The following PSPC1 variants were observed in gnomAD, a reference collection of about 807,000 sequenced individuals.
PSPC1 encodes paraspeckle component 1.
Under a neutral mutation model 51.6 loss-of-function variants are expected in PSPC1, and 14 were observed. The observed-to-expected ratio is 0.27, with a 90% CI of 0.18 to 0.42. The LOEUF is 0.42. PSPC1 is among the 10% of genes least tolerant of loss of function. The pLI, the probability that PSPC1 is intolerant of heterozygous loss-of-function variation, is 1.00. For missense variants in PSPC1, 406 were observed against 701.1 expected, an observed-to-expected ratio of 0.58 and a Z score of 4.75; for synonymous variants, 193 against 231.9, an observed-to-expected ratio of 0.83 and a Z score of 1.53.
intron 2 of PSPC1, among the ~76,000 whole-genome samples, chr13:19,769,113 T>C (rs1488978993): frequency 6.6e-6 from 1 of 150,858 alleles, no homozygotes; most frequent in Non-Finnish European, 1.5e-5. Context: ...CACTCCAGCC[T>C]GGGTGACACA....
Position 19,782,751 on chromosome 13 carries a change from ACAT to A in PSPC1, c.4_6del (p.Met2del). 6.4e-7 allele frequency: 1 copy of A among 1,555,714 alleles called. No individual in the cohort carries two copies. The highest frequency in any genetic ancestry group is 2.0e-5 in the Admixed American group (1 of 49,780). Reference sequence around the variant, plus strand: ...CGCACTTGCTTCAGGTTTCCTCTTAACATCATCTTACTGAGTTCGCCTCGGACA... The same window carrying A: ...CGCACTTGCTTCAGGTTTCCTCTTAACATCTTACTGAGTTCGCCTCGGACA... On this transcript the variant is annotated inframe_deletion, in exon 1 of 9. Transcript: ENST00000338910. This position sits in a 1 kb window ranked among gnomAD's most constrained non-coding sequence, Gnocchi z 4.5.
downstream of PSPC1, among the ~76,000 whole-genome samples, chr13:19,700,381 A>G (rs1209015760): frequency 6.6e-6 from 1 of 152,096 alleles, no homozygotes; most frequent in Non-Finnish European, 1.5e-5. Flanking sequence ...TTGTTCCCCT[A>G]ATATTATTGA....
chr13:19,731,834 T>G (rs1461342528), intron 5 of PSPC1, among the ~76,000 whole-genome samples: 1 of 152,190 alleles, frequency 6.6e-6, no homozygotes, highest in Non-Finnish European at 1.5e-5. Context: ...TCCAAAATAC[T>G]TATTCTGGTG....
In PSPC1 at chr13:19,772,393, C is replaced by T; in HGVS notation, c.523G>A (p.Ala175Thr). The change falls in exon 2 of 9, where the codon GCA (alanine) becomes ACA (threonine). Residue 175 changes from alanine to threonine, a missense_variant. Coordinates refer to ENST00000338910, the MANE Select transcript of PSPC1 (RefSeq NM_001354909.2). ...PVVSNELLEQ[A>T]FSQFGPVEKA... ...TCTACTGGACCAAACTGAGAAAATG[C>T]TTGCTCTAGCAGCTCATTGGAAACA... is the stretch of plus-strand genomic sequence containing the variant. 1.9e-6 allele frequency: 3 copies of T among 1,614,212 alleles called. No individual in the cohort carries two copies. Among genetic ancestry groups the T allele is most frequent in the Non-Finnish European group, 2.5e-6 (3 of 1,180,052 alleles).
intron 3 of PSPC1, among the ~76,000 whole-genome samples, chr13:19,756,064 C>T (rs1406615205): frequency 1.3e-5 from 2 of 151,984 alleles, no homozygotes; most frequent in African/African-American, 4.8e-5. Context: ...TGGTAAAACC[C>T]CGTCTCTACT....
At chr13:19,761,387 A>C (rs1566039761) in intron 2 of PSPC1, among the ~76,000 whole-genome samples, 1 of 152,128 alleles carries the variant, frequency 6.6e-6, no homozygotes, top group Non-Finnish European at 1.5e-5. Flanking sequence ...ATTTCCTTTG[A>C]GATCGGCTCT....
chr13:19,776,648 C>T (rs1359281127), intron 1 of PSPC1, among the ~76,000 whole-genome samples: 8 of 151,944 alleles, frequency 5.3e-5, no homozygotes, highest in Non-Finnish European at 1.0e-4. Context: ...GCTGGGACTA[C>T]AGGTGCCTGC....
downstream of PSPC1, among the ~76,000 whole-genome samples, chr13:19,699,801 G>A (rs549772064): frequency 1.3e-5 from 2 of 152,046 alleles, no homozygotes; most frequent in South Asian, 4.1e-4. Context: ...TATGTATATG[G>A]ATATTTACTG....
chr13:19,693,474 A>G (rs1417802942), intron 6 of PSPC1, among the ~76,000 whole-genome samples: 1 of 152,258 alleles, frequency 6.6e-6, no homozygotes, highest in Non-Finnish European at 1.5e-5. Context: ...CCAAGCAAAT[A>G]TCTAACAAGG....
At position 19,741,591 on chromosome 13, in the gene PSPC1, C is replaced by T; in HGVS notation, c.1026G>A (p.Leu342=). The T allele has an allele frequency of 5.6e-6, 9 of 1,602,844 alleles. No individual in the cohort carries two copies. Among genetic ancestry groups the T allele is most frequent in the Non-Finnish European group, 7.7e-6 (9 of 1,172,638 alleles). The change falls in exon 5 of 9, where the codon TTG becomes TTA. Residue 342 remains leucine (L), a synonymous_variant. Coordinates refer to ENST00000338910, the MANE Select transcript of PSPC1 (RefSeq NM_001354909.2). ...RRLEELRNQE[L]QKRKQIQLRH... The stretch of plus-strand genomic sequence containing the variant: ...TTAGTTGTATTTGCTTCCGTTTTTG[C>T]AACTCTTGGTTTCTGAGTTCTTCCA...
chr13:19,772,056 T>C (rs1170440665), intron 2 of PSPC1, among the ~76,000 whole-genome samples, 186 bp downstream of exon 2: 2 of 152,178 alleles, frequency 1.3e-5, no homozygotes, highest in African/African-American at 2.4e-5. Flanking sequence ...ACTCTGAAGT[T>C]TGAAGAAAGT....
intron 5 of PSPC1, among the ~76,000 whole-genome samples, chr13:19,736,602 G>A (rs1286483225): frequency 6.6e-6 from 1 of 152,166 alleles, no homozygotes; most frequent in African/African-American, 2.4e-5. Context: ...AGAATGGCAT[G>A]AACCTGGGAG....
chr13:19,734,282 C>A (rs921120598), intron 5 of PSPC1, among the ~76,000 whole-genome samples: 1 of 152,104 alleles, frequency 6.6e-6, no homozygotes, highest in Non-Finnish European at 1.5e-5. Context: ...AAATTTTAAA[C>A]CTTCACGTTA....
chr13:19,744,534 A>G (rs571759282), intron 4 of PSPC1, among the ~76,000 whole-genome samples: 4 of 152,254 alleles, frequency 2.6e-5, no homozygotes, highest in African/African-American at 9.6e-5. Flanking sequence ...AAAACTGTAA[A>G]AAGTACATAA....
At chr13:19,776,465 A>G (rs1165722951) in intron 1 of PSPC1, among the ~76,000 whole-genome samples, 1 of 152,004 alleles carries the variant, frequency 6.6e-6, no homozygotes, top group African/African-American at 2.4e-5. Context: ...AAGAGAAAAA[A>G]CAAAAATCAC....
At chr13:19,733,721 C>T (rs916330801) in intron 5 of PSPC1, among the ~76,000 whole-genome samples, 5 of 151,644 alleles carry the variant, frequency 3.3e-5, no homozygotes, top group Admixed American at 6.6e-5. Context: ...TGAGATCATG[C>T]CACTGCACTG....
chr13:19,775,816 C>T (rs1436402130), intron 1 of PSPC1, among the ~76,000 whole-genome samples: 3 of 151,926 alleles, frequency 2.0e-5, no homozygotes, highest in Non-Finnish European at 4.4e-5. Flanking sequence ...TTTGGGAGGC[C>T]GAGGCAGGAG....
At chr13:19,671,927 CTT>C, downstream of PSPC1, 2 of 1,562,888 alleles carry the variant, frequency 1.3e-6, no homozygotes, top group Non-Finnish European at 8.8e-7. Flanking sequence ...CCTATACTCT[CTT>C]TGACAGCAGT....
chr13:19,727,533 G>A (rs577959430), intron 6 of PSPC1, among the ~76,000 whole-genome samples: 31 of 152,218 alleles, frequency 2.0e-4, no homozygotes, highest in African/African-American at 5.5e-4. Flanking sequence ...TAAGATGGAC[G>A]TTTGGATATT....
Sources: allele counts gnomAD v4.1 joint callset (sites outside exome capture counted in the v4.1 genomes callset), GRCh38; gene constraint gnomAD v4.1.1; non-coding constraint Gnocchi (gnomAD v3.1); transcripts MANE v1.5; gene names NCBI Gene and HGNC (gene_info 2026-07-23, HGNC 2026-07-21).